The following WDPCP variants were observed in gnomAD, a reference collection of about 807,000 sequenced individuals.
WDPCP encodes the protein WD repeat containing planar cell polarity effector, also known as WD repeat-containing and planar cell polarity effector protein fritz homolog.
A neutral mutation model predicts 93.1 loss-of-function variants in WDPCP; 71 were observed. That is an observed-to-expected ratio of 0.76 (90% CI 0.63 to 0.93). The LOEUF (loss-of-function observed/expected upper bound fraction) is 0.93, where lower values mean the gene tolerates loss of function less well. WDPCP is among the 40% of genes least tolerant of loss of function. The pLI is 0.00. For missense variants in WDPCP, 844 were observed against 887.4 expected (o/e 0.95, Z 0.62); for synonymous variants, 315 against 315.0 (o/e 1.00, Z 0.00).
At chr2:63,343,738 T>G (rs1430610310) in intron 12 of WDPCP, among the ~76,000 whole-genome samples, 1 of 152,216 alleles carries the variant, frequency 6.6e-6, no homozygotes, top group Non-Finnish European at 1.5e-5. Flanking sequence ...GTTGATCATT[T>G]CAATTGTCCT....
intron 12 of WDPCP, among the ~76,000 whole-genome samples, chr2:63,366,161 T>C (rs529385943): frequency 6.6e-6 from 1 of 152,148 alleles, no homozygotes; most frequent in South Asian, 2.1e-4. Context: ...TCTGTTTAAT[T>C]TTCAAAAGGA....
chr2:63,835,651 A>T, the WDPCP span, among the ~76,000 whole-genome samples: 8 of 151,958 alleles, frequency 5.3e-5, no homozygotes, highest in Non-Finnish European at 1.0e-4. Flanking sequence ...AATAAAAAAA[A>T]TAATAAAATG....
chr2:63,823,783 CAAAG>C (rs1671066005), intron 1 of WDPCP, among the ~76,000 whole-genome samples: 1 of 151,890 alleles, frequency 6.6e-6, no homozygotes, highest in South Asian at 2.1e-4. Context: ...CACCATGAAA[CAAAG>C]AAACAGATAA....
chr2:63,500,454 G>GTGT (rs1553412903), intron 1 of WDPCP, among the ~76,000 whole-genome samples: 6,595 of 149,508 alleles, frequency 0.044, 439 homozygotes, highest in African/African-American at 0.14. Context: ...ATGGTGTGGG[G>GTGT]GTGTGTGTGT....
At chr2:63,298,933 A>G (rs575680038) in intron 13 of WDPCP, among the ~76,000 whole-genome samples, 3 of 152,290 alleles carry the variant, frequency 2.0e-5, no homozygotes, top group East Asian at 1.9e-4. Flanking sequence ...GTGGTCCCCA[A>G]TGTCCTGTCT....
intron 14 of WDPCP, among the ~76,000 whole-genome samples, chr2:63,192,515 C>T (rs1316194731): frequency 6.6e-6 from 1 of 152,166 alleles, no homozygotes; most frequent in Non-Finnish European, 1.5e-5. Context: ...CTCATAATGA[C>T]CCTTTAAGGT....
At chr2:63,274,065 C>T (rs536612514) in intron 13 of WDPCP, among the ~76,000 whole-genome samples, 43 of 152,152 alleles carry the variant, frequency 2.8e-4, no homozygotes, top group East Asian at 2.1e-3. Context: ...CTCGTCAGCA[C>T]GTGGAATATT....
intron 15 of WDPCP, among the ~76,000 whole-genome samples, chr2:63,169,393 C>T (rs2103962883): frequency 6.6e-6 from 1 of 152,164 alleles, no homozygotes. Context: ...TTTGCCTTGC[C>T]TTATATTTTA....
At chr2:63,578,287 T>A (rs1411199543) in intron 1 of WDPCP, among the ~76,000 whole-genome samples, 1 of 152,176 alleles carries the variant, frequency 6.6e-6, no homozygotes, top group Non-Finnish European at 1.5e-5. Flanking sequence ...TCTCACCATA[T>A]TAGTATCCCG....
chr2:63,679,123 A>C (rs1710459036), intron 2 of WDPCP, among the ~76,000 whole-genome samples: 1 of 152,232 alleles, frequency 6.6e-6, no homozygotes, highest in African/African-American at 2.4e-5. Context: ...TCTGGCCTAT[A>C]TAATCTGCCT....
intron 2 of WDPCP, among the ~76,000 whole-genome samples, chr2:63,719,020 T>G (rs1203124533): frequency 2.2e-4 from 34 of 152,154 alleles, no homozygotes; most frequent in Non-Finnish European, 7.3e-5. Context: ...AAAGAAGATA[T>G]GGAAAATTTA....
At chr2:63,128,963 C>T (rs183411029) in intron 17 of WDPCP, among the ~76,000 whole-genome samples, 7 of 152,246 alleles carry the variant, frequency 4.6e-5, no homozygotes, top group South Asian at 2.1e-4. Flanking sequence ...CCACTGTGCA[C>T]GGTGTTCTAC....
At chr2:63,806,268 C>T (rs1374596725) in intron 2 of WDPCP, among the ~76,000 whole-genome samples, 1 of 151,938 alleles carries the variant, frequency 6.6e-6, no homozygotes, top group African/African-American at 2.4e-5. Context: ...GCCAGGCGTC[C>T]GGGGGGGACA....
At chr2:63,711,796 C>T (rs1348245411) in intron 2 of WDPCP, among the ~76,000 whole-genome samples, 1 of 152,100 alleles carries the variant, frequency 6.6e-6, no homozygotes, top group Non-Finnish European at 1.5e-5. Flanking sequence ...ACAGAAATAG[C>T]TTCTAATGGA....
chr2:63,595,468 C>G, intron 3 of WDPCP: 1 of 1,613,628 alleles, frequency 6.2e-7, no homozygotes, highest in South Asian at 1.1e-5. Context: ...GATGGGTGTC[C>G]TGGACGGTGT....
At chr2:63,291,161 G>T (rs1559288311) in intron 13 of WDPCP, among the ~76,000 whole-genome samples, 2 of 151,044 alleles carry the variant, frequency 1.3e-5, no homozygotes, top group Admixed American at 6.6e-5. Flanking sequence ...TTTCATTTCA[G>T]GTTTTATATT....
intron 3 of WDPCP, chr2:63,595,480 C>T (rs1164108776): frequency 1.2e-6 from 2 of 1,613,124 alleles, no homozygotes; most frequent in Non-Finnish European, 1.7e-6. Context: ...GGACGGTGTC[C>T]TAATGGAACT....
upstream of WDPCP, chr2:63,593,165 A>G (rs1372418776): frequency 1.3e-5 from 2 of 156,580 alleles, no homozygotes; most frequent in African/African-American, 4.8e-5. Context: ...CAATGGCACG[A>G]TCTCCACTCA....
chr2:63,232,856 G>T, intron 14 of WDPCP: 1 of 169,214 alleles, frequency 5.9e-6, no homozygotes, highest in South Asian at 1.5e-4. Context: ...TGGATTATCT[G>T]AGTTACAAAT....
Sources: allele counts gnomAD v4.1 joint callset (sites outside exome capture counted in the v4.1 genomes callset), GRCh38; gene constraint gnomAD v4.1.1; transcripts MANE v1.5; gene names NCBI Gene and HGNC (gene_info 2026-07-23, HGNC 2026-07-21).